Variants in TGM5 observed in about 807,000 individuals in gnomAD.
TGM5 encodes the protein protein-glutamine gamma-glutamyltransferase 5.
TGM5 carries 69 observed loss-of-function variants against 77.2 expected under a neutral mutation model. That is an observed-to-expected ratio of 0.89 (90% CI 0.74 to 1.09). The LOEUF (loss-of-function observed/expected upper bound fraction) is 1.09, where lower values mean the gene tolerates loss of function less well. Among genes scored for constraint, TGM5 ranks in the 50% least tolerant of loss-of-function variants. TGM5 has a pLI of 0.00. For synonymous variants in TGM5, 346 were observed against 351.8 expected (o/e 0.98, Z 0.18); for missense variants, 842 against 896.5 (o/e 0.94, Z 0.78).
chr15:43,234,789 A>G lies in TGM5; in HGVS notation c.1855T>C (p.Tyr619His). Residue 619 changes from tyrosine (Y) to histidine (H), a missense_variant, in exon 11 of 13, where the codon TAT becomes CAT. This residue lies in a region of TGM5 where 815 missense variants were observed against 844.6 expected (regional missense o/e 0.96). Coordinates refer to ENST00000220420, the MANE Select transcript of TGM5 (RefSeq NM_201631.4). ...CCTACATTAATCGTGATGCTTGGAT[A>G]AGATAAGGTGATGATCTTGTTCACC... ...ILVNKIITLS[Y>H]PSITINVLGA... The G allele has an allele frequency of 6.2e-7, 1 of 1,614,216 alleles. No individual in the cohort carries two copies. Among genetic ancestry groups the G allele is most frequent in the Non-Finnish European group, 8.5e-7 (1 of 1,180,030 alleles).
chr15:43,233,828 G>A, intron 11 of TGM5, 141 bp from the exon 12 acceptor site: 2 of 1,008,332 alleles, frequency 2.0e-6, no homozygotes, highest in Non-Finnish European at 3.0e-6. Flanking sequence ...TTGAGCCGAA[G>A]ACAATTGAGA....
At chr15:43,266,658 G>T (rs1381691683) in intron 1 of TGM5, among the ~76,000 whole-genome samples, 182 bp downstream of exon 1, 1 of 152,194 alleles carries the variant, frequency 6.6e-6, no homozygotes, top group Non-Finnish European at 1.5e-5. Flanking sequence ...CTGCCTCTAC[G>T]CTGTCTCCTG....
chr15:43,234,987 G>C, intron 10 of TGM5, 58 bp from the exon 11 acceptor site: 1 of 1,599,244 alleles, frequency 6.3e-7, no homozygotes, highest in Non-Finnish European at 8.5e-7. Context: ...CCGTACCTGG[G>C]TTGGACCTGG....
Position 43,235,798 on chromosome 15 carries a change from T to G in TGM5, c.1385A>C (p.Gln462Pro), listed in dbSNP as rs1364593810. ...ATGGAAGCTTCTAGCCTTCAGCTTC[T>G]GCAGAGCCTTCAGAAACACCTGCCT... The part of the protein sequence containing the change: ...QERQVFLKAL[Q>P]KLKARSFHGS... The change falls in exon 10 of 13, where the codon CAG (glutamine) becomes CCG (proline). Residue 462 changes from glutamine to proline, a missense_variant. Physicochemically the swap from Gln to Pro is moderately conservative, Grantham distance 76. Coordinates refer to ENST00000220420, the MANE Select transcript of TGM5 (RefSeq NM_201631.4). The G allele has an allele frequency of 1.9e-6, 3 of 1,614,054 alleles. No individual in the cohort carries two copies. The East Asian group carries it at 6.7e-5, about 36-fold the overall frequency.
chr15:43,236,576 T>G (rs772436668), intron 9 of TGM5, among the ~76,000 whole-genome samples: 2 of 152,172 alleles, frequency 1.3e-5, no homozygotes, highest in Non-Finnish European at 2.9e-5. Flanking sequence ...TTGCCACAAC[T>G]TCCTGAGGCA....
intron 11 of TGM5, 47 bp downstream of exon 11, chr15:43,234,722 G>A (rs370150623): frequency 9.9e-6 from 16 of 1,612,536 alleles, no homozygotes; most frequent in South Asian, 6.6e-5. Flanking sequence ...CCCCCTCCCC[G>A]CCAGATCCAA....
intron 11 of TGM5, among the ~76,000 whole-genome samples, chr15:43,234,296 C>T (rs570555519): frequency 2.6e-5 from 4 of 152,248 alleles, no homozygotes; most frequent in African/African-American, 7.2e-5. Context: ...CTTGGAAGAC[C>T]GCAGAATGTC....
chr15:43,262,019 C>G (rs1392003756), intron 1 of TGM5, among the ~76,000 whole-genome samples: 1 of 152,132 alleles, frequency 6.6e-6, no homozygotes, highest in Non-Finnish European at 1.5e-5. Flanking sequence ...CTCATCATTC[C>G]CAGCATTGAC....
chr15:43,246,911 C>G (rs1404562604), intron 6 of TGM5, among the ~76,000 whole-genome samples: 3 of 152,088 alleles, frequency 2.0e-5, no homozygotes, highest in Admixed American at 2.0e-4. Flanking sequence ...AAAGACTGCT[C>G]TGGAGCCATC....
chr15:43,241,448 C>G (rs2042635495), intron 6 of TGM5, among the ~76,000 whole-genome samples: 1 of 152,160 alleles, frequency 6.6e-6, no homozygotes, highest in South Asian at 2.1e-4. Context: ...GCTTTGATTC[C>G]CCCTTTTCCT....
chr15:43,256,480 G>A, intron 4 of TGM5, 88 bp downstream of exon 4: 3 of 1,032,064 alleles, frequency 2.9e-6, no homozygotes, highest in Non-Finnish European at 4.6e-6. Flanking sequence ...GCGTTGGTCA[G>A]CAGTTCTAGG....
At chr15:43,260,610 T>C (rs761344733) in intron 1 of TGM5, 31 bp from the exon 2 acceptor site, 2 of 1,613,526 alleles carry the variant, frequency 1.2e-6, no homozygotes, top group East Asian at 2.2e-5. Flanking sequence ...TTAGACAAAA[T>C]AGTGGGGTTG....
Position 43,253,536 on chromosome 15 carries a change from G to T in TGM5, c.654C>A (p.Pro218=), listed in dbSNP as rs77256087. 6.2e-7 allele frequency: 1 copy of T among 1,613,290 alleles called. No individual in the cohort carries two copies. Among genetic ancestry groups the T allele is most frequent in the South Asian group, 1.1e-5 (1 of 91,058 alleles). Residue 218 remains proline, a synonymous_variant, in exon 5 of 13, where the codon CCC becomes CCA. Coordinates refer to ENST00000220420, the MANE Select transcript of TGM5 (RefSeq NM_201631.4). ...PATDCALRGS[P]VYVSRVVCAM... is the part of the protein sequence containing the mutation. The stretch of plus-strand genomic sequence containing the variant: ...CACACACCACTCTGCTGACGTAGAC[G>T]GGGCTTCCCCGCAGAGCACAGTCTG...
Position 43,233,205 on chromosome 15 carries a change from C to T in TGM5, c.2149G>A (p.Asp717Asn), listed in dbSNP as rs767565622. ...TGTTCCAGAATTTATAATGCAAAGT[C>T]TACATAAACATTCCTGTAACCCTTA... ...DIKGYRNVYV[D>N]FAL Residue 717 changes from aspartate to asparagine, a missense_variant, in exon 13 of 13, where the codon GAC (aspartate) becomes AAC (asparagine). Asp to Asn is a conservative substitution (Grantham distance 23, BLOSUM62 1). This residue lies in a region of TGM5 where 27 missense variants were observed against 51.8 expected (regional missense o/e 0.52). Transcript: ENST00000220420. 3.1e-6 allele frequency: 5 copies of T among 1,614,158 alleles called. No individual in the cohort carries two copies. In the Admixed American group the frequency reaches 8.3e-5, roughly 27 times the overall value.
rs755733389 is a variant in TGM5 at position 43,266,881 on chromosome 15, C to T, written c.-32G>A. The T allele has an allele frequency of 2.1e-5, 34 of 1,613,814 alleles. No individual in the cohort carries two copies. The East Asian group carries it at 6.9e-4, about 33-fold the overall frequency. ...TGCCTCCGGTTCCTGGGATGCTCCCCACAGAACAGCTGGGCGGTCTGGAGC... is the reference window on the plus strand; with the variant it reads ...TGCCTCCGGTTCCTGGGATGCTCCCTACAGAACAGCTGGGCGGTCTGGAGC... On this transcript the variant is annotated 5_prime_UTR_variant, in exon 1 of 13. Coordinates refer to ENST00000220420, the MANE Select transcript of TGM5 (RefSeq NM_201631.4).
chr15:43,235,770 G>A lies in TGM5; in HGVS notation c.1413C>T (p.Gly471=). Residue 471 remains glycine, a synonymous_variant, in exon 10 of 13, where the codon GGC becomes GGT. Coordinates refer to ENST00000220420, the MANE Select transcript of TGM5 (RefSeq NM_201631.4). ...GTTGCAACTCTGCTCCTCTTTGGGA[G>A]CCATGGAAGCTTCTAGCCTTCAGCT... ...LQKLKARSFH[G]SQRGAELQPS... is the part of the protein sequence containing the mutation. The A allele has an allele frequency of 6.2e-7, 1 of 1,614,222 alleles. No individual in the cohort carries two copies. Among genetic ancestry groups the A allele is most frequent in the South Asian group, 1.1e-5 (1 of 91,086 alleles).
chr15:43,259,167 T>A (rs2042766384), intron 3 of TGM5, among the ~76,000 whole-genome samples: 1 of 152,064 alleles, frequency 6.6e-6, no homozygotes, highest in Admixed American at 6.5e-5. Flanking sequence ...AGCAGACCCG[T>A]TCTCTACTCC....
At chr15:43,266,478 C>A (rs867941199) in intron 1 of TGM5, among the ~76,000 whole-genome samples, 9 of 152,166 alleles carry the variant, frequency 5.9e-5, no homozygotes, top group Middle Eastern at 3.2e-3. Flanking sequence ...CCTCCTTTTT[C>A]AGGCAAGGGG....
At chr15:43,257,915 C>A (rs1344914238) in intron 3 of TGM5, among the ~76,000 whole-genome samples, 1 of 152,108 alleles carries the variant, frequency 6.6e-6, no homozygotes, top group East Asian at 1.9e-4. Context: ...ATGATGAGTT[C>A]ATGTCCTTTA....
Sources: gnomAD v4.1 joint callset for allele counts (sites outside exome capture counted in the v4.1 genomes callset) on GRCh38, gnomAD v4.1.1 for gene constraint, gnomAD v4.1.1 regional missense constraint, MANE v1.5 for transcripts, NCBI Gene and HGNC (gene_info 2026-07-23, HGNC 2026-07-21) for gene names.